Variants in LCN8 observed in about 807,000 individuals in gnomAD.
The protein encoded by LCN8 is lipocalin 8, also known as epididymal-specific lipocalin-8.
LCN8 carries 16 observed loss-of-function variants against 22.8 expected under a neutral mutation model. That is an observed-to-expected ratio of 0.70 (90% CI 0.47 to 1.06). The LOEUF (loss-of-function observed/expected upper bound fraction) is 1.06. Ranked by LOEUF, LCN8 falls within the 50% of genes least tolerant of loss-of-function variation. The probability of loss-of-function intolerance (pLI) is 0.00; values close to 1 mark genes in which losing one functional copy is unlikely to be tolerated. For missense variants in LCN8, 189 were observed against 203.3 expected (o/e 0.93, Z 0.43); for synonymous variants, 92 against 83.4 (o/e 1.10, Z -0.56).
At chr9:136,757,789 G>T in intron 1 of LCN8, 118 bp downstream of exon 1, 1 of 1,598,744 alleles carries the variant, frequency 6.3e-7, no homozygotes, top group African/African-American at 1.3e-5. Flanking sequence ...CTAACAGGAA[G>T]TGTCTAGCCG....
chr9:136,757,567 G>A, intron 1 of LCN8: 1 of 1,386,514 alleles, frequency 7.2e-7, no homozygotes. Flanking sequence ...GGTGGCTCGG[G>A]TAGCGCAGCT....
At position 136,755,150 on chromosome 9, in the gene LCN8, G is replaced by A. The variant is rs745363758; in HGVS notation, c.432C>T (p.Ala144=). The change falls in exon 6 of 7, where the codon GCC becomes GCT. Residue 144 remains alanine, a synonymous_variant. Coordinates refer to ENST00000371688, the MANE Select transcript of LCN8 (RefSeq NM_178469.4). ...TCAGGCTCACCTCCTTCAGGAGCTC[G>A]GCACACCGCCCTGCAGGATAGGCCA... ...LYLAARPGRC[A]ELLKEELI 3.1e-6 allele frequency: 5 copies of A among 1,589,334 alleles called. No homozygotes were observed. The South Asian group carries it at 3.4e-5, about 11-fold the overall frequency.
chr9:136,755,566 C>T lies in LCN8; in HGVS notation c.227-50G>A, dbSNP rs1196800750. 2.5e-6 allele frequency: 4 copies of T among 1,572,250 alleles called. No homozygotes were observed. The Admixed American group carries it at 7.4e-5, about 29-fold the overall frequency. On this transcript the variant is annotated intron_variant, in intron 3 of 6. Transcript: ENST00000371688. Reference sequence around the variant, plus strand: ...GGGGAGACGTCTGAGGGGGACGGACCTCGAAGGCCAGGGTCTGCAGGGTCT... The same window carrying T: ...GGGGAGACGTCTGAGGGGGACGGACTTCGAAGGCCAGGGTCTGCAGGGTCT...
chr9:136,756,128 G>T, intron 3 of LCN8: 3 of 1,015,950 alleles, frequency 3.0e-6, no homozygotes, highest in South Asian at 3.0e-5. Flanking sequence ...GGGGAACAGC[G>T]CAGGGAACAG....
chr9:136,754,616 G>A (rs906372124), intron 6 of LCN8, 107 bp from the exon 7 acceptor site: 1 of 1,483,992 alleles, frequency 6.7e-7, no homozygotes, highest in African/African-American at 1.4e-5. Flanking sequence ...GCCTGGTTTT[G>A]CGCAAAGCAC....
rs1847250446 is a variant in LCN8, at chr9:136,757,987, G to A, written c.-57C>T. On this transcript the variant is annotated 5_prime_UTR_variant, in exon 1 of 7. Coordinates refer to ENST00000371688, the MANE Select transcript of LCN8 (RefSeq NM_178469.4). ...AGGACACCCAGGATGGTGCACGGCA[G>A]CCTGGCCTCCGTGGCGGGGTCCGGG... 1 of 1,607,436 alleles carries A rather than the reference G, an allele frequency of 6.2e-7. No homozygotes were observed. Among genetic ancestry groups the A allele is most frequent in the South Asian group, 1.1e-5 (1 of 90,430 alleles).
Position 136,755,340 on chromosome 9 carries a change from G to A in LCN8, c.332-7C>T. 1 of 1,609,862 alleles carries A rather than the reference G, an allele frequency of 6.2e-7. No homozygotes were observed. Among genetic ancestry groups the A allele is most frequent in the Non-Finnish European group, 8.5e-7 (1 of 1,179,920 alleles). ...TTGTCCTCAAGGCTCCGAGCTGTGG[G>A]GCACAGGGGGGCTGGGCGGGCAGTC... On this transcript the variant is annotated splice_region_variant and splice_polypyrimidine_tract_variant and intron_variant, in intron 4 of 6. Transcript: ENST00000371688.
In LCN8 at chr9:136,755,477, C is replaced by T. The variant is rs1289129127; in HGVS notation, c.266G>A (p.Gly89Asp). 1 of 1,613,154 alleles carries T rather than the reference C, an allele frequency of 6.2e-7. No homozygotes were observed. The highest frequency in any genetic ancestry group is 1.7e-5 in the Admixed American group (1 of 60,008). ...EIHVLDTDYEGYAILRVSLMW... is the reference protein window; with the variant it reads ...EIHVLDTDYEDYAILRVSLMW... ...CAGGGACACCCGCAGGATGGCGTAG[C>T]CCTCGTAGTCGGTGTCCAGCACGTG... Residue 89 changes from glycine (G) to aspartate (D), a missense_variant, in exon 4 of 7, where the codon GGC (glycine) becomes GAC (aspartate). Coordinates refer to ENST00000371688, the MANE Select transcript of LCN8 (RefSeq NM_178469.4).
chr9:136,755,038 G>A lies in LCN8; in HGVS notation c.447+97C>T, dbSNP rs1847149667. 4 of 1,445,030 alleles carry A rather than the reference G, an allele frequency of 2.8e-6. No individual in the cohort carries two copies. In the Admixed American group the frequency reaches 8.6e-5, roughly 31 times the overall value. The allele number at this position is 1,445,030 out of a possible 1,614,324, so 89.5% of individuals were successfully genotyped here. A position where few individuals can be genotyped will look rare whatever the true frequency, so the allele number is the denominator to read the frequency against. ...AAGGGGTGAGAAGGCCCAGCCCAGG[G>A]CCGGGAGGCGGAGCCACGGGGGCTC... is the stretch of plus-strand genomic sequence containing the variant. On this transcript the variant is annotated intron_variant, in intron 6 of 6. Transcript: ENST00000371688.
At position 136,757,101 on chromosome 9, in the gene LCN8, C is replaced by T. The variant is rs200954996; in HGVS notation, c.92G>A (p.Arg31Gln). 24 of 1,613,394 alleles carry T rather than the reference C, an allele frequency of 1.5e-5. No individual in the cohort carries two copies. Among genetic ancestry groups the T allele is most frequent in the East Asian group, 8.9e-5 (4 of 44,866 alleles). The change falls in exon 2 of 7, where the codon CGG becomes CAG. Residue 31 changes from arginine (R) to glutamine (Q), a missense_variant. Arg to Gln is a conservative substitution (Grantham distance 43). Transcript: ENST00000371688. The stretch of plus-strand genomic sequence containing the variant: ...CAAGGTGAGGAACAAGCCCTCCACC[C>T]GCTTCGGGGCCGTCAGCACCAGGCT... Reference protein sequence around the residue: ...DQSLVLTAPKRVEGLFLTLSG... With the variant: ...DQSLVLTAPKQVEGLFLTLSG...
At chr9:136,755,391 G>A in intron 4 of LCN8, 21 bp downstream of exon 4, 1 of 1,610,574 alleles carries the variant, frequency 6.2e-7, no homozygotes, top group Non-Finnish European at 8.5e-7. Flanking sequence ...GCTGGGCAGA[G>A]CCCCCCAGGG....
intron 1 of LCN8, chr9:136,757,687 G>T (rs1391556062): frequency 4.2e-6 from 6 of 1,441,222 alleles, no homozygotes; most frequent in Non-Finnish European, 5.5e-6. Context: ...CGGGAGGAAA[G>T]AATCTTCGTC....
In LCN8 at chr9:136,755,473, G is replaced by A. The variant is rs763554080; in HGVS notation, c.270C>T (p.Tyr90=). The change falls in exon 4 of 7, where the codon TAC becomes TAT. Residue 90 remains tyrosine, a synonymous_variant. Coordinates refer to ENST00000371688, the MANE Select transcript of LCN8 (RefSeq NM_178469.4). The stretch of plus-strand genomic sequence containing the variant: ...ACATCAGGGACACCCGCAGGATGGC[G>A]TAGCCCTCGTAGTCGGTGTCCAGCA... ...IHVLDTDYEG[Y]AILRVSLMWR... 1.5e-5 allele frequency: 25 copies of A among 1,613,046 alleles called. No homozygotes were observed. Among genetic ancestry groups the A allele is most frequent in the Middle Eastern group, 1.6e-4 (1 of 6,084 alleles).
At chr9:136,754,530 G>C (rs1344087340) in intron 6 of LCN8, 21 bp from the exon 7 acceptor site, 1 of 1,551,138 alleles carries the variant, frequency 6.4e-7, no homozygotes, top group Admixed American at 2.0e-5. Flanking sequence ...GAAGTGCAGG[G>C]GCTCAGGCCC....
At chr9:136,754,619 C>T (rs1847139922) in intron 6 of LCN8, 110 bp from the exon 7 acceptor site, 4 of 1,481,432 alleles carry the variant, frequency 2.7e-6, no homozygotes, top group South Asian at 1.3e-5. Flanking sequence ...TGGTTTTGCG[C>T]AAAGCACCCA....
chr9:136,758,443 T>C (rs1239173920), upstream of LCN8: 4 of 993,370 alleles, frequency 4.0e-6, no homozygotes, highest in Non-Finnish European at 3.6e-6. Flanking sequence ...TTGAAATGTG[T>C]GCCAGACGCA....
chr9:136,756,233 A>G lies in LCN8; in HGVS notation c.226+289T>C. ...CAGCATGGGGAACAGTGCAGGGAAC[A>G]GTGCAGGGAACGCATGGGGAATGGC... On this transcript the variant is annotated intron_variant, in intron 3 of 6. Coordinates refer to ENST00000371688, the MANE Select transcript of LCN8 (RefSeq NM_178469.4). The G allele has an allele frequency of 2.3e-6, 3 of 1,321,592 alleles. No individual in the cohort carries two copies. In the South Asian group the frequency reaches 3.8e-5, roughly 17 times the overall value. The allele number at this position is 1,321,592 out of a possible 1,614,324, so 81.9% of individuals were successfully genotyped here. A position where few individuals can be genotyped will look rare whatever the true frequency, so the allele number is the denominator to read the frequency against.
In LCN8 at chr9:136,756,607, AG is replaced by A; in HGVS notation, c.156-16del. 1 of 1,612,366 alleles carries A rather than the reference AG, an allele frequency of 6.2e-7. No individual in the cohort carries two copies. Among genetic ancestry groups the A allele is most frequent in the Non-Finnish European group, 8.5e-7 (1 of 1,178,870 alleles). Reference sequence around the variant, plus strand: ...AGCTTCCTGAGCTGAAAGGCAGCAAAGTGCCCATCGGTAAAATGCTAGCCTG... The same window carrying A: ...AGCTTCCTGAGCTGAAAGGCAGCAAATGCCCATCGGTAAAATGCTAGCCTG... On this transcript the variant is annotated splice_polypyrimidine_tract_variant and intron_variant, in intron 2 of 6. Transcript: ENST00000371688.
chr9:136,754,734 C>G, intron 6 of LCN8: 1 of 1,397,586 alleles, frequency 7.2e-7, no homozygotes, highest in Non-Finnish European at 9.3e-7. Context: ...CAGTGCCCAA[C>G]ATGGGAGCCC....
Sources: allele counts gnomAD v4.1 joint callset, GRCh38; gene constraint gnomAD v4.1.1; transcripts MANE v1.5; gene names NCBI Gene and HGNC (gene_info 2026-07-23, HGNC 2026-07-21).